FGF12: variants seen among roughly 807,000 people sequenced by gnomAD.
FGF12 encodes the protein fibroblast growth factor 12.
Under a neutral mutation model 23.6 loss-of-function variants are expected in FGF12, and 14 were observed. The ratio of observed to expected loss-of-function variants is 0.59; its 90% CI spans 0.39 to 0.93. The LOEUF is 0.93. Among genes scored for constraint, FGF12 ranks in the 40% least tolerant of loss-of-function variants. The probability of loss-of-function intolerance (pLI) is 0.00; values close to 1 mark genes in which losing one functional copy is unlikely to be tolerated. For synonymous variants in FGF12, 62 were observed against 77.3 expected (o/e 0.80, Z 1.04); for missense variants, 175 against 217.8 (o/e 0.80, Z 1.24).
intron 2 of FGF12, among the ~76,000 whole-genome samples, chr3:192,392,914 T>C (rs1349470282): frequency 1.3e-5 from 2 of 152,214 alleles, no homozygotes; most frequent in Admixed American, 6.5e-5. Context: ...ATGAAGACTC[T>C]GTGATTACAA....
intron 2 of FGF12, among the ~76,000 whole-genome samples, chr3:192,594,022 G>A (rs897958384): frequency 5.3e-5 from 8 of 151,932 alleles, no homozygotes; most frequent in Non-Finnish European, 1.2e-4. Flanking sequence ...GTCGGTTAGA[G>A]TAAAGTTATG....
intron 3 of FGF12, among the ~76,000 whole-genome samples, chr3:192,358,919 G>A (rs1216167758): frequency 2.0e-5 from 3 of 152,098 alleles, no homozygotes; most frequent in Non-Finnish European, 2.9e-5. Context: ...TTAAACCTGA[G>A]AACTAGTAAT....
chr3:192,143,948 G>T lies in FGF12; in HGVS notation c.*61C>A, dbSNP rs1249882881. 1.9e-6 allele frequency: 2 copies of T among 1,047,300 alleles called. No individual in the cohort carries two copies. The highest frequency in any genetic ancestry group is 1.5e-6 in the Non-Finnish European group (1 of 672,508). The allele number at this position is 1,047,300 out of a possible 1,614,324, so 64.9% of individuals were successfully genotyped here. On this transcript the variant is annotated 3_prime_UTR_variant, in exon 6 of 6. Transcript: ENST00000445105. The stretch of plus-strand genomic sequence containing the variant: ...TGGGTGGATTTACTGGAAGGAAATG[G>T]GTAAATGGGAAGGAAGGGAAGGGGA...
intron 2 of FGF12, among the ~76,000 whole-genome samples, chr3:192,712,670 A>C (rs11917775): frequency 0.37 from 56,835 of 151,866 alleles, 11,321 homozygotes; most frequent in South Asian, 0.58. Context: ...CGATTGTTCA[A>C]ATATGAGGAA....
intron 5 of FGF12, among the ~76,000 whole-genome samples, chr3:192,163,855 T>G (rs1577191728): frequency 9.0e-6 from 1 of 111,308 alleles, no homozygotes; most frequent in Non-Finnish European, 2.1e-5. Context: ...GTGTGTGTGT[T>G]AGTACTGTCT....
intron 2 of FGF12, among the ~76,000 whole-genome samples, chr3:192,436,880 A>C (rs1722043303): frequency 6.6e-6 from 1 of 152,206 alleles, no homozygotes. Flanking sequence ...GCTGGAGAAC[A>C]CAAAGGTGGG....
chr3:192,238,886 A>G (rs972762405), intron 4 of FGF12, among the ~76,000 whole-genome samples: 8 of 152,208 alleles, frequency 5.3e-5, no homozygotes, highest in African/African-American at 1.7e-4. Flanking sequence ...GGATGGCTGA[A>G]GCTCATGCTG....
chr3:192,404,580 C>T (rs191759058), intron 2 of FGF12, among the ~76,000 whole-genome samples: 5 of 152,262 alleles, frequency 3.3e-5, no homozygotes, highest in South Asian at 2.1e-4. Flanking sequence ...TTCTAGTGTG[C>T]CTGACTAATA....
At chr3:192,533,893 A>G (rs1011848635) in intron 2 of FGF12, 2 of 152,244 alleles carry the variant, frequency 1.3e-5, no homozygotes, top group Non-Finnish European at 2.9e-5. Context: ...GGATGAAGCA[A>G]GCCTGCTTGA....
intron 2 of FGF12, among the ~76,000 whole-genome samples, chr3:192,422,564 C>T (rs975513600): frequency 6.6e-6 from 1 of 152,182 alleles, no homozygotes; most frequent in African/African-American, 2.4e-5. Flanking sequence ...AAGCCCTTCT[C>T]TATAACTCTG....
chr3:192,724,905 A>T (rs1719160107), intron 2 of FGF12, among the ~76,000 whole-genome samples: 1 of 152,170 alleles, frequency 6.6e-6, no homozygotes, highest in Non-Finnish European at 1.5e-5. Context: ...AGAACTCTTG[A>T]ACCCTCAACT....
chr3:192,548,865 A>T (rs903188222), intron 2 of FGF12, among the ~76,000 whole-genome samples: 1 of 152,198 alleles, frequency 6.6e-6, no homozygotes, highest in Admixed American at 6.5e-5. Flanking sequence ...AGCTGATTCC[A>T]TAACTAATCT....
At chr3:192,512,004 A>G (rs948981647) in intron 2 of FGF12, among the ~76,000 whole-genome samples, 22 of 152,194 alleles carry the variant, frequency 1.4e-4, no homozygotes, top group African/African-American at 5.3e-4. Context: ...AAAATATCAA[A>G]ATGCTTATAA....
chr3:192,402,306 C>T (rs983175415), intron 2 of FGF12, among the ~76,000 whole-genome samples: 4 of 152,290 alleles, frequency 2.6e-5, no homozygotes, highest in South Asian at 2.1e-4. Flanking sequence ...TCAAGGCTCC[C>T]GGCATTCAGG....
At chr3:192,464,504 GTGT>G (rs1722953647) in intron 2 of FGF12, among the ~76,000 whole-genome samples, 2 of 70,714 alleles carry the variant, frequency 2.8e-5, no homozygotes, top group African/African-American at 1.2e-4. Context: ...TCCATGGTGT[GTGT>G]GTGTGTGTGT....
At chr3:192,506,114 C>G (rs1484964694) in intron 2 of FGF12, among the ~76,000 whole-genome samples, 3 of 152,224 alleles carry the variant, frequency 2.0e-5, no homozygotes, top group Non-Finnish European at 2.9e-5. Context: ...TGCATAGCTT[C>G]TGTAAGCCAG....
chr3:192,605,404 A>C (rs1714299300), intron 2 of FGF12, among the ~76,000 whole-genome samples: 1 of 151,830 alleles, frequency 6.6e-6, no homozygotes, highest in Non-Finnish European at 1.5e-5. Context: ...AAATCCTAGA[A>C]GAAAACCCAG....
intron 2 of FGF12, among the ~76,000 whole-genome samples, chr3:192,463,605 G>A (rs1223464177): frequency 1.3e-5 from 2 of 152,052 alleles, no homozygotes; most frequent in South Asian, 2.1e-4. Context: ...CTTAACAGTC[G>A]TGCGTTTTGA....
intron 2 of FGF12, among the ~76,000 whole-genome samples, chr3:192,682,324 T>C (rs1200552447): frequency 1.3e-5 from 2 of 152,162 alleles, no homozygotes; most frequent in Non-Finnish European, 2.9e-5. Flanking sequence ...TTGTTTCCCA[T>C]GTAAATTTTG....
Sources: allele counts gnomAD v4.1 joint callset (sites outside exome capture counted in the v4.1 genomes callset), GRCh38; gene constraint gnomAD v4.1.1; transcripts MANE v1.5; gene names NCBI Gene and HGNC (gene_info 2026-07-23, HGNC 2026-07-21).